Variants in HYAL4 observed in about 807,000 individuals in gnomAD.
The protein encoded by HYAL4 is hyaluronidase 4, also known as hyaluronidase-4.
A neutral mutation model predicts 35.2 loss-of-function variants in HYAL4; 37 were observed. That is an observed-to-expected ratio of 1.05 (90% CI 0.81 to 1.38). The LOEUF (loss-of-function observed/expected upper bound fraction) is 1.38. HYAL4 is among the 40% of genes most tolerant of loss of function. The probability of loss-of-function intolerance (pLI) is 0.00; values close to 1 mark genes in which losing one functional copy is unlikely to be tolerated. For synonymous variants in HYAL4, 198 were observed against 203.2 expected (o/e 0.97, Z 0.22); for missense variants, 572 against 572.4 (o/e 1.00, Z 0.01).
At chr7:123,851,518 G>T (rs28582678) in intron 2 of HYAL4, among the ~76,000 whole-genome samples, 20,979 of 151,964 alleles carry the variant, frequency 0.14, 1,522 homozygotes, top group African/African-American at 0.16. Context: ...CTGTGTTAGT[G>T]TGCTGAGAAT....
intron 3 of HYAL4, 30 bp downstream of exon 3, chr7:123,869,257 AT>A (rs1370090365): frequency 1.2e-5 from 17 of 1,382,624 alleles, no homozygotes; most frequent in Non-Finnish European, 1.6e-5. Context: ...ATGGTGGGGG[AT>A]TTCCTCCTTA....
At chr7:123,807,301 C>T in the HYAL4 span, among the ~76,000 whole-genome samples, 5 of 151,844 alleles carry the variant, frequency 3.3e-5, no homozygotes, top group African/African-American at 1.2e-4. Flanking sequence ...CTACTATTAT[C>T]TCTTTGAGAA....
chr7:123,788,332 T>C, the HYAL4 span, among the ~76,000 whole-genome samples: 14 of 152,242 alleles, frequency 9.2e-5, no homozygotes, highest in African/African-American at 3.1e-4. Context: ...TTGTGTCTTC[T>C]AGAATAATTC....
chr7:123,838,489 A>G (rs1387975046), intron 1 of HYAL4, among the ~76,000 whole-genome samples: 6 of 151,996 alleles, frequency 3.9e-5, no homozygotes, highest in Non-Finnish European at 8.8e-5. Context: ...CCCATTTTAA[A>G]TGTGTTTTGT....
At chr7:123,825,990 C>G (rs1183543331), upstream of HYAL4, among the ~76,000 whole-genome samples, 1 of 151,606 alleles carries the variant, frequency 6.6e-6, no homozygotes, top group Non-Finnish European at 1.5e-5. Flanking sequence ...ACTTTTGCAT[C>G]TAGTATTAGC....
chr7:123,833,569 A>G (rs887277649), intron 1 of HYAL4, among the ~76,000 whole-genome samples: 13 of 151,378 alleles, frequency 8.6e-5, no homozygotes, highest in Admixed American at 4.6e-4. Context: ...GCCATGCAAA[A>G]TCTCTTTAGT....
At chr7:123,833,177 T>C (rs1373472100) in intron 1 of HYAL4, among the ~76,000 whole-genome samples, 1 of 152,224 alleles carries the variant, frequency 6.6e-6, no homozygotes, top group Non-Finnish European at 1.5e-5. Context: ...ATAGTGATTG[T>C]ACTAGGTTAC....
the HYAL4 span, among the ~76,000 whole-genome samples, chr7:123,771,006 A>C: frequency 1.5e-4 from 23 of 152,178 alleles, no homozygotes; most frequent in African/African-American, 4.8e-4. Flanking sequence ...AAGAGAAAAA[A>C]TAATGGTAGT....
the HYAL4 span, among the ~76,000 whole-genome samples, chr7:123,806,221 C>A: frequency 6.6e-6 from 1 of 152,040 alleles, no homozygotes; most frequent in East Asian, 1.9e-4. Context: ...GCACTGGGAG[C>A]AGCTGGCCTT....
chr7:123,824,848 A>G (rs1339008302), upstream of HYAL4, among the ~76,000 whole-genome samples: 1 of 152,136 alleles, frequency 6.6e-6, no homozygotes, highest in Non-Finnish European at 1.5e-5. Flanking sequence ...TATTCCAAGA[A>G]CCTGTAGCAG....
At chr7:123,832,793 C>T (rs1805905894) in intron 1 of HYAL4, among the ~76,000 whole-genome samples, 1 of 152,040 alleles carries the variant, frequency 6.6e-6, no homozygotes, top group African/African-American at 2.4e-5. Context: ...CCTTTTGTGT[C>T]ATTCTTATAC....
At chr7:123,861,552 A>T (rs958662337) in intron 2 of HYAL4, among the ~76,000 whole-genome samples, 4 of 152,178 alleles carry the variant, frequency 2.6e-5, no homozygotes, top group Non-Finnish European at 2.9e-5. Context: ...CCAAGTGTAT[A>T]CTTTAATACA....
At chr7:123,784,940 G>C in the HYAL4 span, among the ~76,000 whole-genome samples, 369 of 152,264 alleles carry the variant, frequency 2.4e-3, 1 homozygote, top group African/African-American at 8.4e-3. Flanking sequence ...TACTGTGTTA[G>C]GGAGTTGTAT....
chr7:123,823,974 CAGGAATTA>C, the HYAL4 span, among the ~76,000 whole-genome samples: 3 of 151,974 alleles, frequency 2.0e-5, no homozygotes, highest in Non-Finnish European at 4.4e-5. Flanking sequence ...GTCTCAGTTT[CAGGAATTA>C]AAATGTCTAG....
At chr7:123,830,925 C>T (rs2116905532) in intron 1 of HYAL4, among the ~76,000 whole-genome samples, 1 of 152,088 alleles carries the variant, frequency 6.6e-6, no homozygotes, top group South Asian at 2.1e-4. Flanking sequence ...ATTTCTAAGT[C>T]TTTGTCTTTT....
intron 1 of HYAL4, among the ~76,000 whole-genome samples, chr7:123,831,612 A>T (rs994040438): frequency 2.0e-5 from 3 of 152,074 alleles, no homozygotes; most frequent in East Asian, 3.8e-4. Context: ...TCCCTTTGTT[A>T]ATTTCCTTTA....
intron 1 of HYAL4, among the ~76,000 whole-genome samples, chr7:123,839,103 A>G (rs1318635413): frequency 6.6e-6 from 1 of 152,030 alleles, no homozygotes; most frequent in Non-Finnish European, 1.5e-5. Flanking sequence ...TATCATTTAC[A>G]TTAGGTATTT....
At chr7:123,805,993 C>T in the HYAL4 span, among the ~76,000 whole-genome samples, 2 of 150,834 alleles carry the variant, frequency 1.3e-5, no homozygotes, top group South Asian at 2.1e-4. Flanking sequence ...AGACTCCGTC[C>T]GAAAAAATAA....
the HYAL4 span, among the ~76,000 whole-genome samples, chr7:123,820,481 G>A: frequency 4.0e-5 from 6 of 151,806 alleles, no homozygotes; most frequent in Non-Finnish European, 8.8e-5. Context: ...TACTCAGGAG[G>A]CTGAGGCAGG....
Sources: allele counts gnomAD v4.1 joint callset (sites outside exome capture counted in the v4.1 genomes callset), GRCh38; gene constraint gnomAD v4.1.1; transcripts MANE v1.5; gene names NCBI Gene and HGNC (gene_info 2026-07-23, HGNC 2026-07-21).